Variants in MRAS observed in about 807,000 individuals in gnomAD.
MRAS encodes the protein ras-related protein M-Ras.
A neutral mutation model predicts 20.9 loss-of-function variants in MRAS; 4 were observed. The ratio of observed to expected loss-of-function variants is 0.19; its 90% confidence interval spans 0.09 to 0.44. The LOEUF (loss-of-function observed/expected upper bound fraction) is 0.44, where lower values mean the gene tolerates loss of function less well. Ranked by LOEUF, MRAS falls within the 20% of genes least tolerant of loss-of-function variation. The pLI is 0.99. For synonymous variants in MRAS, 98 were observed against 102.9 expected, an observed-to-expected ratio of 0.95 and a Z score of 0.29; for missense variants, 154 against 277.5, an observed-to-expected ratio of 0.56 and a Z score of 3.16.
At chr3:138,358,308 G>A (rs1189759960) in intron 1 of MRAS, among the ~76,000 whole-genome samples, 1 of 148,688 alleles carries the variant, frequency 6.7e-6, no homozygotes, top group African/African-American at 2.5e-5. Flanking sequence ...TTGCACTCCA[G>A]CCTGGGCGAC....
intron 2 of MRAS, among the ~76,000 whole-genome samples, chr3:138,386,110 C>A (rs994995915): frequency 6.6e-6 from 1 of 152,116 alleles, no homozygotes; most frequent in Non-Finnish European, 1.5e-5. Context: ...AATTCACACG[C>A]ACAGTTCAGT....
In MRAS at chr3:138,352,202, G is replaced by A. The variant is rs113686933; in HGVS notation, c.-19+3435G>A. 6.6e-5 allele frequency among the ~76,000 whole-genome samples: 10 copies of A among 152,336 alleles called. 1 individual carries two copies. Among genetic ancestry groups the A allele is most frequent in the African/African-American group, 2.4e-4 (10 of 41,582 alleles). On this transcript the variant is annotated intron_variant, in intron 1 of 5. Transcript: ENST00000423968. ...AGGTTCAGGCTGAGGTGGAGACCAC[G>A]CTGCACTCGCCATGCATTCAATGGT... is the stretch of plus-strand genomic sequence containing the variant.
At chr3:138,348,404 G>A (rs553882068), upstream of MRAS, 2 of 152,306 alleles carry the variant, frequency 1.3e-5, no homozygotes, top group African/African-American at 4.8e-5. Context: ...GGGCCCAGGG[G>A]ACTCGGCGCG....
At chr3:138,401,342 T>C (rs2055355775) in intron 5 of MRAS, among the ~76,000 whole-genome samples, 2 of 152,154 alleles carry the variant, frequency 1.3e-5, no homozygotes, top group Non-Finnish European at 2.9e-5. Flanking sequence ...TGGTGAGCTG[T>C]GAGATCAGCC....
rs529564239 is a variant in MRAS, at chr3:138,402,019, T to G, written c.528-151T>G. ...CTCCTCCAGCGGCCAGGACAGCCAC[T>G]GGGAGAGGGATGGCATCCCCATCCC... On this transcript the variant is annotated intron_variant, in intron 5 of 5. Coordinates refer to ENST00000423968, the MANE Select transcript of MRAS (RefSeq NM_001085049.3). 4.3e-5 allele frequency: 30 copies of G among 691,722 alleles called. No individual in the cohort carries two copies. The East Asian group carries it at 8.3e-4, about 19-fold the overall frequency. 42.8% of individuals were successfully genotyped at this position (691,722 alleles called of 1,614,324 possible). A position where few individuals can be genotyped will look rare whatever the true frequency, so the allele number is the denominator to read the frequency against.
chr3:138,363,819 A>AACCC (rs2054501005), intron 1 of MRAS, among the ~76,000 whole-genome samples: 9 of 32,982 alleles, frequency 2.7e-4, no homozygotes, highest in Non-Finnish European at 3.1e-4. Flanking sequence ...TAGAGGATTT[A>AACCC]CCCCCCCCCC....
intron 2 of MRAS, among the ~76,000 whole-genome samples, chr3:138,378,795 C>T (rs1174597809): frequency 6.6e-6 from 1 of 152,176 alleles, no homozygotes; most frequent in Non-Finnish European, 1.5e-5. Flanking sequence ...CTTTGTTCTA[C>T]AACCATCCCT....
intron 2 of MRAS, among the ~76,000 whole-genome samples, chr3:138,397,090 G>T (rs918067161): frequency 3.3e-5 from 5 of 152,138 alleles, no homozygotes; most frequent in Admixed American, 6.5e-5. Flanking sequence ...GGAGGAGAAG[G>T]GTTTGGTGGG....
rs2054164006 is a variant in MRAS, at chr3:138,348,698, G to T, written c.-88G>T. 6.6e-6 allele frequency: 1 copy of T among 151,694 alleles called. No individual in the cohort carries two copies. The highest frequency in any genetic ancestry group is 2.4e-5 in the African/African-American group (1 of 41,364). 9.4% of individuals were successfully genotyped at this position (151,694 alleles called of 1,614,324 possible). ...CGCGGGGCCCGGCGGGCGCGACGCT[G>T]CCTCCTCACCGGCGCAGGCTAGGAG... On this transcript the variant is annotated 5_prime_UTR_variant, in exon 1 of 6. Transcript: ENST00000423968.
At chr3:138,376,740 T>C (rs2054790315) in intron 2 of MRAS, among the ~76,000 whole-genome samples, 1 of 152,214 alleles carries the variant, frequency 6.6e-6, no homozygotes. Context: ...AACAAGTTTC[T>C]TCACTGCAGG....
intron 4 of MRAS, 155 bp from the exon 5 acceptor site, chr3:138,400,379 G>A: frequency 1.5e-6 from 1 of 675,192 alleles, no homozygotes; most frequent in Non-Finnish European, 2.6e-6. Context: ...AGAGTGAAAA[G>A]CCCTAAATGA....
chr3:138,364,161 C>T (rs2054513893), intron 1 of MRAS, among the ~76,000 whole-genome samples: 1 of 152,128 alleles, frequency 6.6e-6, no homozygotes, highest in South Asian at 2.1e-4. Flanking sequence ...GCTGAGCCCC[C>T]ACACACATAT....
intron 1 of MRAS, among the ~76,000 whole-genome samples, chr3:138,363,044 T>A (rs2054482821): frequency 6.9e-6 from 1 of 144,050 alleles, no homozygotes; most frequent in South Asian, 2.1e-4. Flanking sequence ...TTGTTTTTTG[T>A]GTTTTTTTTT....
At chr3:138,370,899 A>G (rs1576356657) in intron 1 of MRAS, among the ~76,000 whole-genome samples, 2 of 152,182 alleles carry the variant, frequency 1.3e-5, no homozygotes, top group East Asian at 3.8e-4. Flanking sequence ...TGTACTTACT[A>G]GCTGTTTTGC....
intron 2 of MRAS, among the ~76,000 whole-genome samples, chr3:138,374,233 C>T (rs943460529): frequency 1.3e-5 from 2 of 152,134 alleles, no homozygotes; most frequent in African/African-American, 4.8e-5. Context: ...TCTCAAACTG[C>T]TGGGATTACA....
chr3:138,372,093 G>T (rs548867044), intron 1 of MRAS, among the ~76,000 whole-genome samples: 21 of 152,034 alleles, frequency 1.4e-4, no homozygotes, highest in African/African-American at 4.8e-4. Flanking sequence ...CCTGCGCATT[G>T]TACAATCCCT....
chr3:138,377,194 T>C lies in MRAS; in HGVS notation c.193+4118T>C, dbSNP rs537229037. 5.9e-5 allele frequency among the ~76,000 whole-genome samples: 9 copies of C among 152,364 alleles called. No individual in the cohort carries two copies. The South Asian group carries it at 1.9e-3, about 32-fold the overall frequency. ...TAGAAGAATGAGTTTGTTAAGCTTC[T>C]AATTCTGCCACCAGAGTCAGGCCCG... On this transcript the variant is annotated intron_variant, in intron 2 of 5. Transcript: ENST00000423968.
chr3:138,386,937 A>T (rs1427691005), intron 2 of MRAS, among the ~76,000 whole-genome samples: 1 of 152,204 alleles, frequency 6.6e-6, no homozygotes, highest in African/African-American at 2.4e-5. Context: ...CTAGAAGTAG[A>T]ATTGCTGGGT....
intron 2 of MRAS, among the ~76,000 whole-genome samples, chr3:138,382,364 A>C (rs1413909541): frequency 6.6e-6 from 1 of 152,196 alleles, no homozygotes; most frequent in Non-Finnish European, 1.5e-5. Flanking sequence ...CTTTTCTTGA[A>C]GGCCTCATGC....
Sources: gnomAD v4.1 joint callset for allele counts (sites outside exome capture counted in the v4.1 genomes callset) on GRCh38, gnomAD v4.1.1 for gene constraint, MANE v1.5 for transcripts, NCBI Gene and HGNC (gene_info 2026-07-23, HGNC 2026-07-21) for gene names.